The following VPS33A variants were observed in gnomAD, a reference collection of about 807,000 sequenced individuals.
VPS33A encodes the protein VPS33A core subunit of CORVET and HOPS complexes.
VPS33A carries 32 observed loss-of-function variants against 71.8 expected under a neutral mutation model. The observed-to-expected ratio is 0.45, with a 90% CI of 0.34 to 0.60. VPS33A has a LOEUF of 0.60. Among genes scored for constraint, VPS33A ranks in the 20% least tolerant of loss-of-function variants. The pLI is 0.02. For synonymous variants in VPS33A, 311 were observed against 292.7 expected (o/e 1.06, Z -0.64); for missense variants, 625 against 748.5 (o/e 0.84, Z 1.92).
intron 4 of VPS33A, among the ~76,000 whole-genome samples, chr12:122,252,004 T>G (rs1014176921): frequency 2.6e-5 from 4 of 151,680 alleles, no homozygotes; most frequent in African/African-American, 9.7e-5. Context: ...ATGGCTGTAA[T>G]CACAGCACTT....
At chr12:122,247,089 C>T (rs890489342) in intron 6 of VPS33A, among the ~76,000 whole-genome samples, 3 of 152,186 alleles carry the variant, frequency 2.0e-5, no homozygotes, top group African/African-American at 7.2e-5. Flanking sequence ...CAGTGGTTGT[C>T]CCAAGGTTTG....
At chr12:122,262,441 A>T (rs1270383284) in intron 3 of VPS33A, among the ~76,000 whole-genome samples, 1 of 152,190 alleles carries the variant, frequency 6.6e-6, no homozygotes, top group Non-Finnish European at 1.5e-5. Flanking sequence ...ATGAAAGATC[A>T]CTTTTGACTC....
rs1205927681 is a variant in VPS33A, at chr12:122,263,657, A to C, written c.211T>G (p.Leu71Val). 3.7e-6 allele frequency: 6 copies of C among 1,613,344 alleles called. No individual in the cohort carries two copies. Among genetic ancestry groups the C allele is most frequent in the Non-Finnish European group, 5.1e-6 (6 of 1,179,508 alleles). ...EKMFTLKGNRLPAADVKNIIF... is the reference protein window; with the variant it reads ...EKMFTLKGNRVPAADVKNIIF... The stretch of plus-strand genomic sequence containing the variant: ...ATATTCTTCACATCAGCTGCCGGCA[A>C]ACGATTTCCTTTAAGTGTGAACATT... Residue 71 changes from leucine to valine, a missense_variant, in exon 3 of 13, where the codon TTG (leucine) becomes GTG (valine). Leu to Val is a conservative substitution (Grantham distance 32). Transcript: ENST00000267199.
chr12:122,232,752 C>T (rs1440795175), intron 12 of VPS33A, 48 bp downstream of exon 12: 1 of 1,567,598 alleles, frequency 6.4e-7, no homozygotes, highest in Non-Finnish European at 8.7e-7. Context: ...TACCTGAAAA[C>T]CACACTAACA....
In VPS33A at chr12:122,230,033, T is replaced by G. The variant is rs982780817; in HGVS notation, c.*2213A>C. Reference sequence around the variant, plus strand: ...GGTGGATTCCATTCTCTAAAGCAGCTGATGACTGCCTGAGGTGGAAGGTAT... The same window carrying G: ...GGTGGATTCCATTCTCTAAAGCAGCGGATGACTGCCTGAGGTGGAAGGTAT... On this transcript the variant is annotated 3_prime_UTR_variant, in exon 13 of 13. Transcript: ENST00000267199. 3.9e-5 allele frequency: 6 copies of G among 152,188 alleles called. No homozygotes were observed. The highest frequency in any genetic ancestry group is 1.4e-4 in the African/African-American group (6 of 41,454). The allele number at this position is 152,188 out of a possible 1,614,324, so 9.4% of individuals were successfully genotyped here.
In VPS33A at chr12:122,233,539, T is replaced by C. The variant is rs563134829; in HGVS notation, c.1441-571A>G. Among the ~76,000 whole-genome samples, 65 of 152,234 alleles carry C rather than the reference T, an allele frequency of 4.3e-4. No individual in the cohort carries two copies. In the Middle Eastern group the frequency reaches 0.014, roughly 32 times the overall value. On this transcript the variant is annotated intron_variant, in intron 11 of 12. Transcript: ENST00000267199. Reference sequence around the variant, plus strand: ...CCGCGTCCAGCCAGCATGAAACATATTGGGGGGAACTTGGCACTCCCTAGC... The same window carrying C: ...CCGCGTCCAGCCAGCATGAAACATACTGGGGGGAACTTGGCACTCCCTAGC...
intron 1 of VPS33A, among the ~76,000 whole-genome samples, chr12:122,265,162 G>A (rs973063883): frequency 6.6e-6 from 1 of 151,976 alleles, no homozygotes; most frequent in South Asian, 2.1e-4. Flanking sequence ...CAAGCGAGCT[G>A]CCTGCCGTGG....
At chr12:122,238,793 AC>A (rs1954666976) in intron 9 of VPS33A, 69 bp from the exon 10 acceptor site, 2 of 1,299,892 alleles carry the variant, frequency 1.5e-6, no homozygotes, top group Non-Finnish European at 2.2e-6. Context: ...ACACACACAC[AC>A]ACACACACAC....
At chr12:122,232,666 C>A in intron 12 of VPS33A, 134 bp downstream of exon 12, 1 of 1,201,538 alleles carries the variant, frequency 8.3e-7, no homozygotes, top group Non-Finnish European at 1.1e-6. Context: ...TTACTACATA[C>A]ATTAGCAACG....
At chr12:122,243,087 T>C (rs1954735930) in intron 7 of VPS33A, among the ~76,000 whole-genome samples, 1 of 152,216 alleles carries the variant, frequency 6.6e-6, no homozygotes, top group African/African-American at 2.4e-5. Flanking sequence ...AAACACTGTG[T>C]CAGTATTTTG....
At chr12:122,237,927 GAC>G (rs1269342430) in intron 10 of VPS33A, among the ~76,000 whole-genome samples, 4 of 152,002 alleles carry the variant, frequency 2.6e-5, no homozygotes, top group Admixed American at 6.6e-5. Flanking sequence ...TGGGACTGCA[GAC>G]ACAGCCACCA....
In VPS33A at chr12:122,264,160, G is replaced by A. The variant is rs763620806; in HGVS notation, c.142C>T (p.Leu48=). The stretch of plus-strand genomic sequence containing the variant: ...TTCAATAGTGAATACTGTGCAATCA[G>A]GCCAAAGGGTCCAGTTAGGTATTCA... ...WDEYLTGPFG[L]IAQYSLLKEH... Residue 48 remains leucine, a synonymous_variant, in exon 2 of 13, where the codon CTG becomes TTG. Transcript: ENST00000267199. 2.6e-6 allele frequency: 4 copies of A among 1,563,700 alleles called. No homozygotes were observed. The East Asian group carries it at 6.8e-5, about 27-fold the overall frequency.
At chr12:122,251,528 CTT>C (rs992267363) in intron 4 of VPS33A, among the ~76,000 whole-genome samples, 10 of 152,192 alleles carry the variant, frequency 6.6e-5, no homozygotes, top group African/African-American at 2.2e-4. Flanking sequence ...AGGACGAATA[CTT>C]TATTGTTTTC....
chr12:122,241,938 C>G (rs1422035991), intron 8 of VPS33A, among the ~76,000 whole-genome samples: 1 of 146,140 alleles, frequency 6.8e-6, no homozygotes, highest in African/African-American at 2.5e-5. Flanking sequence ...GATGGAGTCT[C>G]ACTCTGTCAC....
intron 4 of VPS33A, among the ~76,000 whole-genome samples, chr12:122,257,179 C>A (rs1323561816): frequency 6.6e-6 from 1 of 152,036 alleles, no homozygotes; most frequent in Non-Finnish European, 1.5e-5. Flanking sequence ...GTAATTCCAG[C>A]ACTTTCAGAG....
chr12:122,261,011 G>A (rs902342805), intron 4 of VPS33A, among the ~76,000 whole-genome samples: 1 of 152,164 alleles, frequency 6.6e-6, no homozygotes, highest in Non-Finnish European at 1.5e-5. Context: ...AAAGTTAAAA[G>A]ACAAGTCACA....
At chr12:122,236,954 G>A (rs952946419) in intron 10 of VPS33A, among the ~76,000 whole-genome samples, 1 of 152,132 alleles carries the variant, frequency 6.6e-6, no homozygotes, top group Non-Finnish European at 1.5e-5. Context: ...CATCTGGGGA[G>A]GGAAACTGGG....
chr12:122,262,021 T>A (rs777835602), intron 3 of VPS33A, among the ~76,000 whole-genome samples: 6 of 149,898 alleles, frequency 4.0e-5, no homozygotes, highest in Non-Finnish European at 7.4e-5. Flanking sequence ...AAATAAAAAC[T>A]AAAACAAAAA....
At chr12:122,250,196 C>A (rs777909903) in intron 5 of VPS33A, 151 bp from the exon 6 acceptor site, 1 of 822,326 alleles carries the variant, frequency 1.2e-6, no homozygotes, top group Non-Finnish European at 1.8e-6. Flanking sequence ...AGAAAAGCAC[C>A]TTGCTGTTGG....
Sources: gnomAD v4.1 joint callset for allele counts (sites outside exome capture counted in the v4.1 genomes callset) on GRCh38, gnomAD v4.1.1 for gene constraint, MANE v1.5 for transcripts, NCBI Gene and HGNC (gene_info 2026-07-23, HGNC 2026-07-21) for gene names.